The following NIPBL variants were observed in gnomAD, a reference collection of about 807,000 sequenced individuals.
The protein encoded by NIPBL is nipped-B-like protein.
A neutral mutation model predicts 321.8 loss-of-function variants in NIPBL; 19 were observed. That is an observed-to-expected ratio of 0.06 (90% CI 0.04 to 0.09). The LOEUF (loss-of-function observed/expected upper bound fraction) is 0.09, where lower values mean the gene tolerates loss of function less well. Among genes scored for constraint, NIPBL ranks in the 10% least tolerant of loss-of-function variants. The pLI is 1.00. For synonymous variants in NIPBL, 1,106 were observed against 1,114.1 expected, an observed-to-expected ratio of 0.99 and a Z score of 0.14; for missense variants, 2,210 against 3,327.0, an observed-to-expected ratio of 0.66 and a Z score of 8.26.
intron 16 of NIPBL, 134 bp from the exon 17 acceptor site, chr5:37,006,223 T>C: frequency 3.0e-6 from 2 of 662,940 alleles, no homozygotes; most frequent in Admixed American, 4.5e-5. Context: ...TTGTACCTCA[T>C]TCTGGATATT....
chr5:37,038,450 A>G, intron 33 of NIPBL, 152 bp from the exon 34 acceptor site: 1 of 603,762 alleles, frequency 1.7e-6, no homozygotes, highest in East Asian at 2.8e-5. Context: ...GAGATGGAGA[A>G]AGTCTAGTAT....
At chr5:36,939,306 G>A (rs1386698515) in intron 1 of NIPBL, among the ~76,000 whole-genome samples, 1 of 152,082 alleles carries the variant, frequency 6.6e-6, no homozygotes. Flanking sequence ...TGGCCCACTT[G>A]GGAGTTTTCA....
chr5:37,004,997 T>C (rs1747256975), intron 16 of NIPBL, among the ~76,000 whole-genome samples: 1 of 152,218 alleles, frequency 6.6e-6, no homozygotes, highest in Admixed American at 6.5e-5. Context: ...TGTGGCCCAC[T>C]GGCCCGTGTG....
At chr5:37,026,529 G>A (rs956058997) in intron 31 of NIPBL, among the ~76,000 whole-genome samples, 1 of 152,064 alleles carries the variant, frequency 6.6e-6, no homozygotes, top group African/African-American at 2.4e-5. Flanking sequence ...CTACTTCTTG[G>A]CATTAATTGA....
chr5:37,036,338 T>C (rs757401907), intron 32 of NIPBL, 41 bp from the exon 33 acceptor site: 4 of 443,040 alleles, frequency 9.0e-6, no homozygotes, highest in South Asian at 6.8e-5. Flanking sequence ...CTTTTTTGTA[T>C]ATATATATGT....
intron 9 of NIPBL, among the ~76,000 whole-genome samples, chr5:36,983,035 G>T (rs1333525160): frequency 6.6e-6 from 1 of 151,904 alleles, no homozygotes; most frequent in Non-Finnish European, 1.5e-5. Flanking sequence ...CAATTGGTTT[G>T]CCCTGTGGCA....
At position 37,033,560 on chromosome 5, in the gene NIPBL, T is replaced by TAA. The variant is rs35536025; in HGVS notation, c.5863-2810_5863-2809dup. Among the ~76,000 whole-genome samples, 262 of 144,668 alleles carry TAA rather than the reference T, an allele frequency of 1.8e-3. 1 individual carries two copies. Among genetic ancestry groups the TAA allele is most frequent in the African/African-American group, 6.1e-3 (241 of 39,406 alleles). 94.9% of individuals were successfully genotyped at this position (144,668 alleles called of 152,430 possible). ...GGGATATTTGACTGTCCATAAGAAT[T>TAA]AAAAAAAAAAGATTCCTACTTCAGC... On this transcript the variant is annotated intron_variant, in intron 32 of 46. Coordinates refer to ENST00000282516, the MANE Select transcript of NIPBL (RefSeq NM_133433.4).
intron 1 of NIPBL, among the ~76,000 whole-genome samples, chr5:36,904,880 A>G (rs1049823702): frequency 6.6e-6 from 1 of 152,210 alleles, no homozygotes; most frequent in African/African-American, 2.4e-5. Flanking sequence ...CTAATCTCAG[A>G]AGTGACATGC....
intron 1 of NIPBL, among the ~76,000 whole-genome samples, chr5:36,951,056 G>T (rs1224324328): frequency 6.6e-6 from 1 of 152,072 alleles, no homozygotes; most frequent in Non-Finnish European, 1.5e-5. Context: ...AATCATCAAC[G>T]TGTAATTAAA....
intron 34 of NIPBL, among the ~76,000 whole-genome samples, chr5:37,040,435 T>A (rs1430116727): frequency 1.3e-5 from 2 of 152,162 alleles, no homozygotes; most frequent in Non-Finnish European, 2.9e-5. Context: ...CAGAGGTATA[T>A]ATAAATGGTT....
intron 1 of NIPBL, among the ~76,000 whole-genome samples, chr5:36,952,053 T>TGTGCGCGCGCGCGC (rs778597604): frequency 1.8e-5 from 2 of 112,112 alleles, no homozygotes; most frequent in Non-Finnish European, 3.7e-5. Context: ...TGTGTGTGTG[T>TGTGCGCGCGCGCGC]GCGCGCGCGC....
In NIPBL at chr5:36,935,440, C is replaced by A. The variant is rs184359067; in HGVS notation, c.-79-18178C>A. Among the ~76,000 whole-genome samples the A allele has an allele frequency of 6.6e-5, 10 of 152,236 alleles. No individual in the cohort carries two copies. In the Middle Eastern group the frequency reaches 0.01, roughly 155 times the overall value. On this transcript the variant is annotated intron_variant, in intron 1 of 46. Coordinates refer to ENST00000282516, the MANE Select transcript of NIPBL (RefSeq NM_133433.4). ...TCTTCTCTAAGTCACCAGTAACTTG[C>A]ATCAAGTCTAGTGATCAGTTCTCAG...
chr5:36,987,332 A>G (rs970582650), intron 10 of NIPBL, among the ~76,000 whole-genome samples: 1 of 152,222 alleles, frequency 6.6e-6, no homozygotes, highest in African/African-American at 2.4e-5. Flanking sequence ...GAGGGTAACC[A>G]TTGCCTTTTT....
At chr5:36,892,395 C>T (rs1746400603) in intron 1 of NIPBL, among the ~76,000 whole-genome samples, 1 of 152,146 alleles carries the variant, frequency 6.6e-6, no homozygotes, top group Admixed American at 6.5e-5. Flanking sequence ...CCTCAGGGAT[C>T]TAGAACTAGA....
chr5:36,997,227 A>G (rs541786061), intron 11 of NIPBL, among the ~76,000 whole-genome samples: 7 of 152,212 alleles, frequency 4.6e-5, no homozygotes, highest in African/African-American at 1.7e-4. Flanking sequence ...TCTAATAAAC[A>G]TATCACCCAT....
chr5:37,013,035 G>A (rs1332977710), intron 21 of NIPBL, among the ~76,000 whole-genome samples: 5 of 146,202 alleles, frequency 3.4e-5, no homozygotes, highest in East Asian at 2.0e-4. Flanking sequence ...CCTCCCGGAC[G>A]GGGGGCTGAC....
chr5:36,985,207 A>C lies in NIPBL; in HGVS notation c.2027A>C (p.Asn676Thr). ...STIVEPKQNE[N>T]RLSDTKPNDN... ...ATAGTTGAGCCTAAACAAAATGAAA[A>C]TAGACTGTCTGACACAAAACCAAAT... is the stretch of plus-strand genomic sequence containing the variant. The change falls in exon 10 of 47, where the codon AAT becomes ACT. Residue 676 changes from asparagine (N) to threonine (T), a missense_variant. Around this residue, in one of 14 missense-constraint regions of NIPBL, gnomAD observed 588 missense variants for 564.1 expected, o/e 1.04. Coordinates refer to ENST00000282516, the MANE Select transcript of NIPBL (RefSeq NM_133433.4). 1 of 1,613,948 alleles carries C rather than the reference A, an allele frequency of 6.2e-7. No individual in the cohort carries two copies. The highest frequency in any genetic ancestry group is 1.1e-5 in the South Asian group (1 of 91,074).
At position 36,876,839 on chromosome 5, in the gene NIPBL, C is replaced by A. The variant is rs1192042169; in HGVS notation, c.-419C>A. 1.1e-5 allele frequency: 4 copies of A among 375,200 alleles called. No individual in the cohort carries two copies. In the East Asian group the frequency reaches 1.1e-4, roughly 11 times the overall value. 23.2% of individuals were successfully genotyped at this position (375,200 alleles called of 1,614,324 possible). A position where few individuals can be genotyped will look rare whatever the true frequency, so the allele number is the denominator to read the frequency against. On this transcript the variant is annotated 5_prime_UTR_variant, in exon 1 of 47. Transcript: ENST00000282516. Reference sequence around the variant, plus strand: ...AGGGCTCCTTCCCCCCGCCCTCCCCCCCCTCCCTCCGTCGGTACCGACTCA... The same window carrying A: ...AGGGCTCCTTCCCCCCGCCCTCCCCACCCTCCCTCCGTCGGTACCGACTCA...
At chr5:36,977,204 A>G (rs952547590) in intron 9 of NIPBL, among the ~76,000 whole-genome samples, 5 of 152,102 alleles carry the variant, frequency 3.3e-5, no homozygotes, top group African/African-American at 1.2e-4. Flanking sequence ...ATATAAATGC[A>G]TATACACATT....
Sources: allele counts gnomAD v4.1 joint callset (sites outside exome capture counted in the v4.1 genomes callset), GRCh38; gene constraint gnomAD v4.1.1; regional missense constraint gnomAD v4.1.1; transcripts MANE v1.5; gene names NCBI Gene and HGNC (gene_info 2026-07-23, HGNC 2026-07-21).